Variants in SAMD4A observed in about 807,000 individuals in gnomAD.
SAMD4A encodes sterile alpha motif domain containing 4A.
A neutral mutation model predicts 81.3 loss-of-function variants in SAMD4A; 33 were observed. That is an observed-to-expected ratio of 0.41 (90% CI 0.31 to 0.54). The LOEUF (loss-of-function observed/expected upper bound fraction) is 0.54, where lower values mean the gene tolerates loss of function less well. Among genes scored for constraint, SAMD4A ranks in the 20% least tolerant of loss-of-function variants. SAMD4A has a pLI of 0.37. For synonymous variants in SAMD4A, 389 were observed against 382.1 expected, an observed-to-expected ratio of 1.02 and a Z score of -0.21; for missense variants, 854 against 951.1, an observed-to-expected ratio of 0.90 and a Z score of 1.34.
intron 3 of SAMD4A, among the ~76,000 whole-genome samples, chr14:54,728,004 C>CAG (rs2140894367): frequency 1.3e-5 from 2 of 152,226 alleles, no homozygotes; most frequent in African/African-American, 4.8e-5. Context: ...TCCAGACAGC[C>CAG]CTCTCCATTT....
intron 2 of SAMD4A, among the ~76,000 whole-genome samples, chr14:54,590,420 G>T (rs904854798): frequency 6.6e-6 from 1 of 152,322 alleles, no homozygotes; most frequent in East Asian, 1.9e-4. Flanking sequence ...GAGCCCAGGA[G>T]GTCGAGGCTG....
At chr14:54,587,872 G>C (rs1307822004) in intron 2 of SAMD4A, among the ~76,000 whole-genome samples, 1 of 152,076 alleles carries the variant, frequency 6.6e-6, no homozygotes, top group East Asian at 1.9e-4. Context: ...CCTTTCCCTG[G>C]TTTTAGTATT....
At chr14:54,681,778 A>G (rs1417171145) in intron 2 of SAMD4A, 3 of 984,942 alleles carry the variant, frequency 3.0e-6, no homozygotes, top group African/African-American at 3.5e-5. Flanking sequence ...TGGAGCCCCA[A>G]ATGAAAAATA....
At chr14:54,622,349 C>T (rs1383665372) in intron 2 of SAMD4A, among the ~76,000 whole-genome samples, 1 of 152,092 alleles carries the variant, frequency 6.6e-6, no homozygotes, top group African/African-American at 2.4e-5. Flanking sequence ...AGGGACTGTT[C>T]AGGGCCTATC....
intron 2 of SAMD4A, among the ~76,000 whole-genome samples, chr14:54,646,596 G>T (rs2035292919): frequency 6.6e-6 from 1 of 152,210 alleles, no homozygotes; most frequent in African/African-American, 2.4e-5. Context: ...TAATGTACTG[G>T]CTTTGGCTTT....
At chr14:54,598,565 A>T (rs1170835679) in intron 2 of SAMD4A, among the ~76,000 whole-genome samples, 1 of 152,204 alleles carries the variant, frequency 6.6e-6, no homozygotes, top group Non-Finnish European at 1.5e-5. Context: ...CACATATTTT[A>T]AAACACTCAT....
chr14:54,673,352 G>A (rs922061591), intron 2 of SAMD4A, among the ~76,000 whole-genome samples: 6 of 152,164 alleles, frequency 3.9e-5, no homozygotes, highest in Non-Finnish European at 8.8e-5. Context: ...AATAGTCCTG[G>A]CTCCTACCTT....
At chr14:54,667,119 C>T (rs937162943) in intron 2 of SAMD4A, among the ~76,000 whole-genome samples, 4 of 152,056 alleles carry the variant, frequency 2.6e-5, no homozygotes, top group Non-Finnish European at 5.9e-5. Context: ...TTTTTAATTT[C>T]ACGCTCTTGT....
intron 9 of SAMD4A, among the ~76,000 whole-genome samples, chr14:54,772,251 CAGATTT>C (rs904657320): frequency 7.2e-5 from 11 of 152,154 alleles, no homozygotes; most frequent in African/African-American, 2.7e-4. Flanking sequence ...GTAATGAAAT[CAGATTT>C]AGAAAGGTAA....
intron 2 of SAMD4A, among the ~76,000 whole-genome samples, chr14:54,646,662 C>T (rs952135382): frequency 6.6e-6 from 1 of 152,214 alleles, no homozygotes; most frequent in Non-Finnish European, 1.5e-5. Flanking sequence ...AGAAAGAGCT[C>T]ATGCTCCAAA....
chr14:54,571,101 G>A (rs2033115839), intron 2 of SAMD4A, among the ~76,000 whole-genome samples: 1 of 152,176 alleles, frequency 6.6e-6, no homozygotes, highest in African/African-American at 2.4e-5. Context: ...TAAATAGTGA[G>A]ATATCCTGCG....
chr14:54,690,506 C>A (rs1422054672), intron 2 of SAMD4A, among the ~76,000 whole-genome samples: 1 of 151,914 alleles, frequency 6.6e-6, no homozygotes, highest in Non-Finnish European at 1.5e-5. Flanking sequence ...GGATTCTACT[C>A]CTTACAGTGT....
intron 2 of SAMD4A, among the ~76,000 whole-genome samples, chr14:54,630,920 G>A (rs868866734): frequency 0.019 from 2,363 of 125,098 alleles, 84 homozygotes; most frequent in African/African-American, 0.062. Flanking sequence ...GTGTGTGTGT[G>A]TGTGTGTGTG....
chr14:54,745,888 C>T (rs949069972), intron 4 of SAMD4A, among the ~76,000 whole-genome samples: 1 of 152,196 alleles, frequency 6.6e-6, no homozygotes, highest in South Asian at 2.1e-4. Flanking sequence ...CCTGCATTTT[C>T]CAACCATAGC....
rs547612527 is a variant in SAMD4A, at chr14:54,780,250, T to G, written c.2044+3710T>G. Reference sequence around the variant, plus strand: ...CCCTTGGTTGTGAACCAGCTGGATGTGAGCTGGGTCCAGTGGCACCTCACA... The same window carrying G: ...CCCTTGGTTGTGAACCAGCTGGATGGGAGCTGGGTCCAGTGGCACCTCACA... On this transcript the variant is annotated intron_variant, in intron 11 of 12. Transcript: ENST00000554335. Among the ~76,000 whole-genome samples the G allele has an allele frequency of 4.6e-5, 7 of 152,348 alleles. No individual in the cohort carries two copies. The South Asian group carries it at 6.2e-4, about 14-fold the overall frequency.
At chr14:54,631,524 T>A (rs768381583) in intron 2 of SAMD4A, among the ~76,000 whole-genome samples, 9 of 152,180 alleles carry the variant, frequency 5.9e-5, no homozygotes, top group Non-Finnish European at 1.3e-4. Flanking sequence ...TGTGAAGGTA[T>A]AACAAGACAA....
chr14:54,732,075 C>T (rs1243187280), intron 3 of SAMD4A, among the ~76,000 whole-genome samples: 1 of 152,152 alleles, frequency 6.6e-6, no homozygotes, highest in African/African-American at 2.4e-5. Context: ...AAGGCTCACT[C>T]AACAAAGACG....
rs755608896 is a variant in SAMD4A at position 54,739,897 on chromosome 14, C to T, written c.979+2610C>T. 4.6e-4 allele frequency among the ~76,000 whole-genome samples: 70 copies of T among 152,298 alleles called. 1 individual carries two copies. In the Middle Eastern group the frequency reaches 0.02, roughly 44 times the overall value. ...TAAAGAAATGAGATATGGCTGGGTG[C>T]GGTGGCTCACGCCTGTAATCCCAAC... On this transcript the variant is annotated intron_variant, in intron 4 of 12. Transcript: ENST00000554335.
chr14:54,647,742 A>G (rs929724679), intron 2 of SAMD4A, among the ~76,000 whole-genome samples: 1 of 152,202 alleles, frequency 6.6e-6, no homozygotes, highest in Admixed American at 6.5e-5. Context: ...AAATTGAAAC[A>G]TGAGGTCTTA....
Sources: gnomAD v4.1 joint callset for allele counts (sites outside exome capture counted in the v4.1 genomes callset) on GRCh38, gnomAD v4.1.1 for gene constraint, MANE v1.5 for transcripts, NCBI Gene and HGNC (gene_info 2026-07-23, HGNC 2026-07-21) for gene names.